CNIH3: variants seen among roughly 807,000 people sequenced by gnomAD.
CNIH3 encodes protein cornichon homolog 3.
A neutral mutation model predicts 24.1 loss-of-function variants in CNIH3; 14 were observed. That is an observed-to-expected ratio of 0.58 (90% confidence interval 0.38 to 0.91). CNIH3 has a LOEUF of 0.91. CNIH3 is among the 40% of genes least tolerant of loss of function. The pLI is 0.00. For missense variants in CNIH3, 178 were observed against 196.8 expected, an observed-to-expected ratio of 0.90 and a Z score of 0.57; for synonymous variants, 68 against 73.8, an observed-to-expected ratio of 0.92 and a Z score of 0.40.
intron 2 of CNIH3, among the ~76,000 whole-genome samples, chr1:224,526,948 A>G (rs1488350666): frequency 6.6e-6 from 1 of 152,098 alleles, no homozygotes; most frequent in Non-Finnish European, 1.5e-5. Context: ...GAACTCACTC[A>G]CTATCACGAG....
intron 3 of CNIH3, among the ~76,000 whole-genome samples, chr1:224,553,228 A>G (rs1680000217): frequency 1.3e-5 from 2 of 150,152 alleles, no homozygotes; most frequent in African/African-American, 4.9e-5. Context: ...TAGGAGCAAT[A>G]TATCTCCCTT....
At chr1:224,563,657 C>T (rs142370383) in intron 3 of CNIH3, among the ~76,000 whole-genome samples, 332 of 152,274 alleles carry the variant, frequency 2.2e-3, no homozygotes, top group African/African-American at 7.6e-3. Context: ...AAGTATCTCC[C>T]GTGGCTGCTG....
At position 224,585,547 on chromosome 1, in the gene CNIH3, T is replaced by A. The variant is rs150885863; in HGVS notation, n.620+2280T>A. On this transcript the variant is annotated intron_variant and non_coding_transcript_variant, in intron 5 of 5. Coordinates refer to the CNIH3 transcript ENST00000471578. The stretch of plus-strand genomic sequence containing the variant: ...AGGCTGGATTGCAGTGATGAAATCA[T>A]GGGTCACTGCAGTCTTGAACTCTTG... 2.2e-3 allele frequency among the ~76,000 whole-genome samples: 341 copies of A among 152,016 alleles called. 1 individual carries two copies. The highest frequency in any genetic ancestry group is 7.6e-3 in the African/African-American group (314 of 41,454).
At chr1:224,434,962 C>T (rs1674579062) in intron 1 of CNIH3, 1 of 985,670 alleles carries the variant, frequency 1.0e-6, no homozygotes, top group Non-Finnish European at 1.2e-6. Flanking sequence ...TCCGCCCCGA[C>T]CCCATCCACG....
chr1:224,592,836 C>T (rs1244917708), downstream of CNIH3, among the ~76,000 whole-genome samples: 1 of 152,162 alleles, frequency 6.6e-6, no homozygotes, highest in Non-Finnish European at 1.5e-5. Flanking sequence ...GCTTCTTAAG[C>T]AGTACTGTGA....
At chr1:224,716,329 A>G (rs1215120908) in intron 3 of CNIH3, among the ~76,000 whole-genome samples, 1 of 152,166 alleles carries the variant, frequency 6.6e-6, no homozygotes, top group Non-Finnish European at 1.5e-5. Flanking sequence ...TCCTTCATAA[A>G]AACATGTGTT....
intron 5 of CNIH3, among the ~76,000 whole-genome samples, chr1:224,588,138 C>G (rs12089565): frequency 2.0e-5 from 3 of 151,844 alleles, no homozygotes; most frequent in African/African-American, 4.8e-5. Context: ...CGTTCCCTCC[C>G]TTGAGCTGTC....
rs186599589 is a variant in CNIH3 at position 224,648,137 on chromosome 1, C to T, written c.81+30882C>T. 2.1e-3 allele frequency among the ~76,000 whole-genome samples: 319 copies of T among 152,220 alleles called. 1 individual carries two copies. Among genetic ancestry groups the T allele is most frequent in the African/African-American group, 7.1e-3 (296 of 41,532 alleles). ...GTGGGCGGCTGGGCGCAGTGGCTCA[C>T]GCCTGTAATCCCAACACTTTGGGAT... On this transcript the variant is annotated intron_variant, in intron 1 of 5. Coordinates refer to ENST00000272133, the MANE Select transcript of CNIH3 (RefSeq NM_152495.2).
intron 3 of CNIH3, chr1:224,565,905 C>T (rs1259563110): frequency 1.3e-5 from 2 of 152,240 alleles, no homozygotes; most frequent in Non-Finnish European, 2.9e-5. Flanking sequence ...AATGGACCAT[C>T]TCGGTGATTC....
intron 3 of CNIH3, among the ~76,000 whole-genome samples, chr1:224,685,423 A>C (rs761342456): frequency 1.4e-4 from 21 of 152,222 alleles, no homozygotes; most frequent in Non-Finnish European, 2.8e-4. Flanking sequence ...ATGTGGGCAC[A>C]CACAGTTCAA....
chr1:224,462,338 A>T (rs758226628), intron 1 of CNIH3, among the ~76,000 whole-genome samples: 21 of 151,822 alleles, frequency 1.4e-4, no homozygotes, highest in Non-Finnish European at 2.4e-4. Flanking sequence ...TTATGTTTAA[A>T]TTTTTTTTGT....
intron 1 of CNIH3, among the ~76,000 whole-genome samples, chr1:224,469,961 T>C (rs1467190873): frequency 6.6e-6 from 1 of 152,160 alleles, no homozygotes; most frequent in African/African-American, 2.4e-5. Context: ...AAATATGGTT[T>C]TTAAAAAACT....
At chr1:224,508,802 C>A (rs957454924) in intron 1 of CNIH3, among the ~76,000 whole-genome samples, 1 of 152,064 alleles carries the variant, frequency 6.6e-6, no homozygotes, top group African/African-American at 2.4e-5. Context: ...TATATGTATT[C>A]CTGTATTCTA....
chr1:224,516,126 C>G (rs1678369697), intron 1 of CNIH3, among the ~76,000 whole-genome samples: 1 of 151,742 alleles, frequency 6.6e-6, no homozygotes, highest in Admixed American at 6.6e-5. Flanking sequence ...ACCATTCTAG[C>G]CAACATGGTG....
At chr1:224,507,484 C>T (rs1276330629) in intron 1 of CNIH3, among the ~76,000 whole-genome samples, 1 of 152,168 alleles carries the variant, frequency 6.6e-6, no homozygotes, top group East Asian at 1.9e-4. Flanking sequence ...CCTAGCACAT[C>T]ATAAATTCTA....
Position 224,458,290 on chromosome 1 carries a change from G to A in CNIH3, n.203+23428G>A, listed in dbSNP as rs985329974. On this transcript the variant is annotated intron_variant and non_coding_transcript_variant, in intron 1 of 5. Coordinates refer to the CNIH3 transcript ENST00000471578. This position sits in a 1 kb window ranked among gnomAD's most constrained non-coding sequence, Gnocchi z 4.3. ...TCCCGTAGTCCCTGTGTGGTCAGCA[G>A]GGAAGGCAGCAGTGCTCTGTCAGTA... Among the ~76,000 whole-genome samples, 11 of 152,192 alleles carry A rather than the reference G, an allele frequency of 7.2e-5. No homozygotes were observed. The highest frequency in any genetic ancestry group is 1.6e-4 in the Non-Finnish European group (11 of 68,028).
chr1:224,727,829 A>C (rs1019548161), intron 3 of CNIH3, among the ~76,000 whole-genome samples: 5 of 152,136 alleles, frequency 3.3e-5, no homozygotes, highest in African/African-American at 9.7e-5. Context: ...GATCCTGTTC[A>C]GTGTTCTAGG....
At chr1:224,580,582 CT>C (rs1346491265) in intron 4 of CNIH3, among the ~76,000 whole-genome samples, 2 of 151,884 alleles carry the variant, frequency 1.3e-5, no homozygotes, top group African/African-American at 4.8e-5. Flanking sequence ...AATCCCAGCA[CT>C]TTTGGGAGCC....
intron 3 of CNIH3, among the ~76,000 whole-genome samples, chr1:224,600,253 G>A (rs1394054597): frequency 6.7e-6 from 1 of 149,406 alleles, no homozygotes; most frequent in Non-Finnish European, 1.5e-5. Context: ...GCAATGGTGT[G>A]ATCTTGGCTC....
Sources: allele counts gnomAD v4.1 joint callset (sites outside exome capture counted in the v4.1 genomes callset), GRCh38; gene constraint gnomAD v4.1.1; non-coding constraint Gnocchi (gnomAD v3.1); transcripts MANE v1.5; gene names NCBI Gene and HGNC (gene_info 2026-07-23, HGNC 2026-07-21).